Variants in JARID2 observed in about 807,000 individuals in gnomAD.
JARID2 encodes protein Jumonji.
JARID2 carries 21 observed loss-of-function variants against 125.6 expected under a neutral mutation model. That is an observed-to-expected ratio of 0.17 (90% CI 0.12 to 0.24). The LOEUF (loss-of-function observed/expected upper bound fraction) is 0.24. Among genes scored for constraint, JARID2 ranks in the 10% least tolerant of loss-of-function variants. The pLI is 1.00. For synonymous variants in JARID2, 736 were observed against 661.6 expected (o/e 1.11, Z -1.73); for missense variants, 1,303 against 1,639.6 (o/e 0.79, Z 3.55).
At chr6:15,450,035 T>C (rs999794979) in intron 3 of JARID2, among the ~76,000 whole-genome samples, 1 of 125,388 alleles carries the variant, frequency 8.0e-6, no homozygotes, top group African/African-American at 3.1e-5. Flanking sequence ...TGTTAAATAG[T>C]ATAATTTTTT....
intron 1 of JARID2, among the ~76,000 whole-genome samples, chr6:15,367,097 C>T (rs1021246412): frequency 1.3e-5 from 2 of 152,110 alleles, no homozygotes; most frequent in Non-Finnish European, 2.9e-5. Context: ...GTCGTTACTA[C>T]CAGTGCCCTT....
intron 3 of JARID2, among the ~76,000 whole-genome samples, chr6:15,440,438 C>G (rs759506722): frequency 3.9e-5 from 6 of 152,174 alleles, no homozygotes; most frequent in Non-Finnish European, 8.8e-5. Flanking sequence ...CCCCTCAGGT[C>G]CCTCCCTTTG....
intron 1 of JARID2, among the ~76,000 whole-genome samples, chr6:15,286,940 T>C (rs534552806): frequency 1.3e-5 from 2 of 148,294 alleles, no homozygotes; most frequent in African/African-American, 5.0e-5. Flanking sequence ...CTCTTTCCCA[T>C]TGTCAGAAAA....
chr6:15,342,386 A>G (rs1187217985), intron 1 of JARID2, among the ~76,000 whole-genome samples: 1 of 152,216 alleles, frequency 6.6e-6, no homozygotes, highest in African/African-American at 2.4e-5. Flanking sequence ...CCTGGGGCAG[A>G]GCAGACACTA....
At chr6:15,480,966 A>G (rs1019419134) in intron 5 of JARID2, among the ~76,000 whole-genome samples, 1 of 152,242 alleles carries the variant, frequency 6.6e-6, no homozygotes, top group African/African-American at 2.4e-5. Flanking sequence ...TGTTTAGGAC[A>G]AGCTCCCTGG....
rs1160908532 is a variant in JARID2, at chr6:15,484,596, A to G, written c.671-2711A>G. Among the ~76,000 whole-genome samples, 7 of 152,334 alleles carry G rather than the reference A, an allele frequency of 4.6e-5. No homozygotes were observed. In the East Asian group the frequency reaches 9.6e-4, roughly 21 times the overall value. ...CCCCAGACATTGTGGTAGATGTTCT[A>G]CCTACCGGAACATCTGCTATTCCCC... On this transcript the variant is annotated intron_variant, in intron 5 of 17. Coordinates refer to ENST00000341776, the MANE Select transcript of JARID2 (RefSeq NM_004973.4).
intron 6 of JARID2, among the ~76,000 whole-genome samples, chr6:15,492,269 T>G (rs1260559252): frequency 6.6e-6 from 1 of 152,200 alleles, no homozygotes; most frequent in Non-Finnish European, 1.5e-5. Context: ...TCAGCTGAAA[T>G]GTATTGTCAT....
chr6:15,335,190 C>T (rs762141340), intron 1 of JARID2, among the ~76,000 whole-genome samples: 4 of 152,142 alleles, frequency 2.6e-5, no homozygotes, highest in South Asian at 2.1e-4. Context: ...ACCTCCGTCT[C>T]GTGGCTTCAA....
intron 1 of JARID2, among the ~76,000 whole-genome samples, chr6:15,339,281 G>A (rs1762985569): frequency 6.6e-6 from 1 of 152,088 alleles, no homozygotes; most frequent in Admixed American, 6.5e-5. Context: ...CCTTAGTAAA[G>A]CACACCTCCC....
At chr6:15,314,921 T>C (rs930971506) in intron 1 of JARID2, 4 of 152,076 alleles carry the variant, frequency 2.6e-5, no homozygotes, top group Non-Finnish European at 5.9e-5. Context: ...TACAGAAGAG[T>C]GATCCTTTCA....
At chr6:15,284,035 C>CT (rs1447449477) in intron 1 of JARID2, among the ~76,000 whole-genome samples, 2 of 152,066 alleles carry the variant, frequency 1.3e-5, no homozygotes, top group Non-Finnish European at 2.9e-5. Context: ...AGTGTTTTTT[C>CT]TTTCATAGAA....
intron 3 of JARID2, among the ~76,000 whole-genome samples, chr6:15,413,008 G>GTTTGTTTTT (rs1765958572): frequency 2.1e-5 from 1 of 47,474 alleles, no homozygotes; most frequent in East Asian, 5.4e-4. Context: ...TTGTGTTTTT[G>GTTTGTTTTT]TTTTTTTTTT....
chr6:15,464,682 A>G (rs912942111), intron 4 of JARID2, among the ~76,000 whole-genome samples: 4 of 152,058 alleles, frequency 2.6e-5, no homozygotes, highest in African/African-American at 9.7e-5. Flanking sequence ...TTCTGCTTCA[A>G]TCCCTTTCCT....
intron 1 of JARID2, among the ~76,000 whole-genome samples, chr6:15,362,556 A>G (rs952199225): frequency 6.6e-6 from 1 of 152,176 alleles, no homozygotes; most frequent in Non-Finnish European, 1.5e-5. Context: ...TACCTTATCA[A>G]TTAGGGGTGT....
intron 12 of JARID2, 81 bp from the exon 13 acceptor site, chr6:15,511,215 G>C: frequency 3.1e-6 from 3 of 962,986 alleles, no homozygotes; most frequent in South Asian, 1.3e-5. Context: ...TCGGGTCCCT[G>C]AGGGTGACGG....
intron 1 of JARID2, among the ~76,000 whole-genome samples, chr6:15,293,090 TTGTC>T (rs564908696): frequency 5.9e-5 from 9 of 152,228 alleles, no homozygotes; most frequent in Admixed American, 5.2e-4. Context: ...AAGTTGATCT[TTGTC>T]TGTCTCTTCT....
chr6:15,325,952 G>A (rs1762520642), intron 1 of JARID2, among the ~76,000 whole-genome samples: 1 of 152,138 alleles, frequency 6.6e-6, no homozygotes, highest in Non-Finnish European at 1.5e-5. Context: ...TTTTTTCAAT[G>A]TGTAAAATAC....
Position 15,472,380 on chromosome 6 carries a change from G to A in JARID2, c.670+3662G>A, listed in dbSNP as rs527469164. 3.9e-5 allele frequency among the ~76,000 whole-genome samples: 6 copies of A among 152,264 alleles called. No homozygotes were observed. The East Asian group carries it at 1.2e-3, about 29-fold the overall frequency. On this transcript the variant is annotated intron_variant, in intron 5 of 17. Coordinates refer to ENST00000341776, the MANE Select transcript of JARID2 (RefSeq NM_004973.4). ...GTAAGGGGACTAACTTCACTGAAAT[G>A]TACAAACCTTTCTGTGCTTCCTTTT... is the stretch of plus-strand genomic sequence containing the variant.
At chr6:15,417,013 T>C (rs1183808103) in intron 3 of JARID2, among the ~76,000 whole-genome samples, 2 of 151,792 alleles carry the variant, frequency 1.3e-5, no homozygotes, top group Non-Finnish European at 2.9e-5. Context: ...AATGAAACGA[T>C]AATGTACAGT....
Sources: allele counts gnomAD v4.1 joint callset (sites outside exome capture counted in the v4.1 genomes callset), GRCh38; gene constraint gnomAD v4.1.1; transcripts MANE v1.5; gene names NCBI Gene and HGNC (gene_info 2026-07-23, HGNC 2026-07-21).